Variants in METTL15 observed in about 807,000 individuals in gnomAD.
The protein encoded by METTL15 is methyltransferase 15, mitochondrial 12S rRNA N4-cytidine, also known as 12S rRNA N(4)-cytidine methyltransferase METTL15.
Under a neutral mutation model 38.3 loss-of-function variants are expected in METTL15, and 34 were observed. The observed-to-expected ratio is 0.89, with a 90% CI of 0.68 to 1.18. METTL15 has a LOEUF of 1.18. Ranked by LOEUF, METTL15 falls within the 50% of genes most tolerant of loss-of-function variation. The probability of loss-of-function intolerance (pLI) is 0.00; values close to 1 mark genes in which losing one functional copy is unlikely to be tolerated. For missense variants in METTL15, 438 were observed against 498.4 expected, an observed-to-expected ratio of 0.88 and a Z score of 1.15; for synonymous variants, 162 against 170.9, an observed-to-expected ratio of 0.95 and a Z score of 0.41.
intron 3 of METTL15, among the ~76,000 whole-genome samples, chr11:28,180,427 A>C (rs576512053): frequency 6.6e-6 from 1 of 151,894 alleles, no homozygotes; most frequent in South Asian, 2.1e-4. Context: ...ACTTTTGAAA[A>C]AGTAATCTAA....
intron 6 of METTL15, among the ~76,000 whole-genome samples, chr11:28,453,338 C>T (rs1371832200): frequency 6.6e-6 from 1 of 152,212 alleles, no homozygotes; most frequent in Non-Finnish European, 1.5e-5. Flanking sequence ...GAGCCAAATA[C>T]ATTTGCTCCA....
At chr11:28,155,133 G>T (rs1282716290) in intron 3 of METTL15, among the ~76,000 whole-genome samples, 2 of 152,072 alleles carry the variant, frequency 1.3e-5, no homozygotes, top group African/African-American at 4.8e-5. Context: ...ATGGGAAACT[G>T]GTCCCAGCTT....
intron 6 of METTL15, among the ~76,000 whole-genome samples, chr11:28,330,012 T>C (rs1171781939): frequency 2.0e-5 from 3 of 152,156 alleles, no homozygotes; most frequent in Non-Finnish European, 4.4e-5. Flanking sequence ...TTGGCTGTAG[T>C]AGTTTTATGA....
At chr11:28,306,014 T>C (rs940143181) in intron 6 of METTL15, among the ~76,000 whole-genome samples, 4 of 152,138 alleles carry the variant, frequency 2.6e-5, no homozygotes, top group Admixed American at 1.3e-4. Flanking sequence ...TTCTAGGACC[T>C]AATATAATTC....
At chr11:28,118,292 A>G (rs139745453) in intron 3 of METTL15, among the ~76,000 whole-genome samples, 3 of 152,306 alleles carry the variant, frequency 2.0e-5, no homozygotes, top group East Asian at 1.9e-4. Context: ...GTAGTTTACT[A>G]CAGATTTGTT....
intron 4 of METTL15, among the ~76,000 whole-genome samples, chr11:28,263,928 G>A (rs933054471): frequency 3.3e-5 from 5 of 151,980 alleles, no homozygotes; most frequent in Non-Finnish European, 5.9e-5. Context: ...AGTGTTTTGA[G>A]GGCAAGGATC....
intron 6 of METTL15, among the ~76,000 whole-genome samples, chr11:28,504,149 A>C (rs1377175923): frequency 6.8e-6 from 1 of 146,398 alleles, no homozygotes; most frequent in African/African-American, 2.5e-5. Context: ...GTGAGTCGAG[A>C]TCACTCCATT....
chr11:28,452,276 T>C (rs1851129547), intron 6 of METTL15, among the ~76,000 whole-genome samples: 1 of 152,232 alleles, frequency 6.6e-6, no homozygotes, highest in Admixed American at 6.5e-5. Flanking sequence ...ACTTGTCCAA[T>C]ATCATTTACT....
intron 4 of METTL15, among the ~76,000 whole-genome samples, chr11:28,277,517 G>A (rs1432377770): frequency 1.3e-5 from 2 of 152,052 alleles, no homozygotes; most frequent in East Asian, 3.9e-4. Context: ...GGCCAACACT[G>A]TGAAACCCCG....
chr11:28,138,443 C>G (rs1302930590), intron 3 of METTL15, among the ~76,000 whole-genome samples: 3 of 152,188 alleles, frequency 2.0e-5, no homozygotes, highest in South Asian at 2.1e-4. Context: ...AACTTTTGAA[C>G]ATTACCAAAA....
intron 3 of METTL15, among the ~76,000 whole-genome samples, chr11:28,115,311 T>G (rs1232225831): frequency 1.3e-5 from 2 of 151,612 alleles, no homozygotes; most frequent in African/African-American, 4.8e-5. Flanking sequence ...CAGGCTGGAG[T>G]GCAATGGCAT....
At chr11:28,230,513 C>T (rs1252007929) in intron 4 of METTL15, among the ~76,000 whole-genome samples, 4 of 151,764 alleles carry the variant, frequency 2.6e-5, no homozygotes, top group Non-Finnish European at 4.4e-5. Flanking sequence ...AATGACTATA[C>T]CTAGAAAGAC....
chr11:28,343,170 T>G (rs865899584), intron 3 of METTL15, among the ~76,000 whole-genome samples: 12 of 149,582 alleles, frequency 8.0e-5, no homozygotes, highest in Non-Finnish European at 7.4e-5. Context: ...ATTGTATACA[T>G]ACATATATAA....
At chr11:28,190,434 T>C (rs997338070) in intron 3 of METTL15, among the ~76,000 whole-genome samples, 5 of 151,268 alleles carry the variant, frequency 3.3e-5, no homozygotes, top group African/African-American at 1.2e-4. Flanking sequence ...ATTTCAAGAC[T>C]ACGTAACTCT....
intron 6 of METTL15, among the ~76,000 whole-genome samples, chr11:28,490,519 A>T (rs1320713552): frequency 6.6e-6 from 1 of 152,130 alleles, no homozygotes; most frequent in Non-Finnish European, 1.5e-5. Context: ...TGCAAATTAA[A>T]ATCACTGGCA....
At chr11:28,430,619 G>A (rs1342768696) in intron 6 of METTL15, among the ~76,000 whole-genome samples, 4 of 49,334 alleles carry the variant, frequency 8.1e-5, no homozygotes, top group Admixed American at 3.2e-4. Context: ...CCCTCCGCCC[G>A]GCCAGCCACC....
At chr11:28,455,409 C>A (rs1851159566) in intron 6 of METTL15, among the ~76,000 whole-genome samples, 1 of 151,840 alleles carries the variant, frequency 6.6e-6, no homozygotes, top group South Asian at 2.1e-4. Flanking sequence ...AAATTTATTC[C>A]ACGTTACCAT....
At chr11:28,168,785 A>G (rs1850749097) in intron 3 of METTL15, among the ~76,000 whole-genome samples, 1 of 152,162 alleles carries the variant, frequency 6.6e-6, no homozygotes, top group South Asian at 2.1e-4. Flanking sequence ...AAAAAATGGT[A>G]TTTATCACAC....
At chr11:28,441,400 G>T (rs1851033827) in intron 6 of METTL15, among the ~76,000 whole-genome samples, 1 of 152,060 alleles carries the variant, frequency 6.6e-6, no homozygotes, top group South Asian at 2.1e-4. Flanking sequence ...ACATTGAATG[G>T]AATATTCTTC....
Sources: gnomAD v4.1 joint callset for allele counts (sites outside exome capture counted in the v4.1 genomes callset) on GRCh38, gnomAD v4.1.1 for gene constraint, MANE v1.5 for transcripts, NCBI Gene and HGNC (gene_info 2026-07-23, HGNC 2026-07-21) for gene names.